Variants in PDE10A observed in about 807,000 individuals in gnomAD.
The protein encoded by PDE10A is phosphodiesterase 10A, also known as cAMP and cAMP-inhibited cGMP 3',5'-cyclic phosphodiesterase 10A.
PDE10A carries 39 observed loss-of-function variants against 97.7 expected under a neutral mutation model. The observed-to-expected ratio is 0.40, with a 90% CI of 0.31 to 0.52. PDE10A has a LOEUF of 0.52. Among genes scored for constraint, PDE10A ranks in the 20% least tolerant of loss-of-function variants. The pLI, the probability that PDE10A is intolerant of heterozygous loss-of-function variation, is 0.56. For missense variants in PDE10A, 731 were observed against 1,047.8 expected (o/e 0.70, Z 4.17); for synonymous variants, 371 against 376.8 (o/e 0.98, Z 0.18).
chr6:165,536,879 C>G (rs1783119481), intron 2 of PDE10A, among the ~76,000 whole-genome samples: 1 of 152,072 alleles, frequency 6.6e-6, no homozygotes, highest in East Asian at 1.9e-4. Context: ...TTATGGAAAA[C>G]AGTATGGAGG....
At chr6:165,535,806 CATT>C (rs1350686934) in intron 2 of PDE10A, among the ~76,000 whole-genome samples, 1 of 151,542 alleles carries the variant, frequency 6.6e-6, no homozygotes, top group African/African-American at 2.4e-5. Context: ...AACTATAAAA[CATT>C]GATGAAAAAA....
intron 1 of PDE10A, among the ~76,000 whole-genome samples, chr6:165,566,150 C>T (rs1310564137): frequency 1.3e-5 from 2 of 152,150 alleles, no homozygotes; most frequent in African/African-American, 2.4e-5. Flanking sequence ...AGACAAGCCA[C>T]AGATTGGGAG....
intron 1 of PDE10A, among the ~76,000 whole-genome samples, chr6:165,864,636 A>G (rs534615509): frequency 1.1e-4 from 17 of 152,188 alleles, no homozygotes; most frequent in Non-Finnish European, 2.4e-4. Context: ...ACCCCTCTTC[A>G]CCTTCCTCGA....
chr6:165,368,660 C>G (rs1004457318), intron 18 of PDE10A, among the ~76,000 whole-genome samples: 2 of 152,090 alleles, frequency 1.3e-5, no homozygotes, highest in Non-Finnish European at 2.9e-5. Flanking sequence ...ATAGACTAAA[C>G]AGTACATTAA....
At chr6:165,365,220 A>G (rs1783693794) in intron 18 of PDE10A, among the ~76,000 whole-genome samples, 1 of 152,208 alleles carries the variant, frequency 6.6e-6, no homozygotes, top group African/African-American at 2.4e-5. Flanking sequence ...AAATTTAGTA[A>G]TATCAATTAA....
chr6:165,658,594 G>GCA (rs1170293544), intron 1 of PDE10A, among the ~76,000 whole-genome samples: 1 of 152,194 alleles, frequency 6.6e-6, no homozygotes, highest in Non-Finnish European at 1.5e-5. Flanking sequence ...TTACATCAGG[G>GCA]CAGCCACACT....
chr6:165,848,155 C>G (rs1780472346), intron 1 of PDE10A, among the ~76,000 whole-genome samples: 1 of 152,062 alleles, frequency 6.6e-6, no homozygotes, highest in Non-Finnish European at 1.5e-5. Context: ...AAAATCAACC[C>G]ACAGAAGCAG....
chr6:165,719,723 G>A (rs62424938), intron 1 of PDE10A, among the ~76,000 whole-genome samples: 2 of 152,174 alleles, frequency 1.3e-5, no homozygotes, highest in African/African-American at 2.4e-5. Context: ...TTTGGAATAC[G>A]GTTGGAAACT....
At chr6:165,705,066 T>C (rs1021028076) in intron 1 of PDE10A, among the ~76,000 whole-genome samples, 4 of 152,208 alleles carry the variant, frequency 2.6e-5, no homozygotes, top group African/African-American at 9.6e-5. Flanking sequence ...GGGTGCTTCT[T>C]GTGGTACCAC....
chr6:165,891,182 A>G (rs1367743298), intron 1 of PDE10A, among the ~76,000 whole-genome samples: 2 of 152,194 alleles, frequency 1.3e-5, no homozygotes, highest in African/African-American at 4.8e-5. Flanking sequence ...CTTTCCAAAC[A>G]TCTGGAAAGT....
intron 1 of PDE10A, among the ~76,000 whole-genome samples, chr6:165,676,023 C>T (rs984023989): frequency 6.6e-6 from 1 of 152,140 alleles, no homozygotes; most frequent in Non-Finnish European, 1.5e-5. Context: ...AGGAAAGTGT[C>T]GTATACATGG....
rs994053487 is a variant in PDE10A, at chr6:165,374,082, G to C, written c.2783+5112C>G. 7.8e-3 allele frequency among the ~76,000 whole-genome samples: 906 copies of C among 116,124 alleles called. 12 individuals are homozygous for C. The highest frequency in any genetic ancestry group is 0.028 in the African/African-American group (829 of 30,050). 76.2% of individuals were successfully genotyped at this position (116,124 alleles called of 152,430 possible). ...ACATCACACTCTGGGGACTGTTGTGGGGTGGGGGGAGGGGGGAGGGATAGC... is the reference window on the plus strand; with the variant it reads ...ACATCACACTCTGGGGACTGTTGTGCGGTGGGGGGAGGGGGGAGGGATAGC... On this transcript the variant is annotated intron_variant, in intron 18 of 21. Transcript: ENST00000539869.
chr6:165,529,462 C>A (rs1782644928), intron 2 of PDE10A, among the ~76,000 whole-genome samples: 2 of 152,164 alleles, frequency 1.3e-5, no homozygotes, highest in African/African-American at 4.8e-5. Flanking sequence ...AGGGAAAAAA[C>A]CATGACCTGC....
chr6:165,590,332 G>A (rs889310783), intron 1 of PDE10A, among the ~76,000 whole-genome samples: 10 of 152,156 alleles, frequency 6.6e-5, no homozygotes, highest in Admixed American at 6.5e-4. Flanking sequence ...TTAAATAGCT[G>A]GCCACACAGC....
At chr6:165,546,867 A>G (rs1011153353) in intron 1 of PDE10A, among the ~76,000 whole-genome samples, 3 of 152,164 alleles carry the variant, frequency 2.0e-5, no homozygotes, top group African/African-American at 2.4e-5. Flanking sequence ...TAGATAACGT[A>G]TATCTCATAA....
intron 1 of PDE10A, among the ~76,000 whole-genome samples, chr6:165,855,335 C>CT (rs1386651580): frequency 6.6e-6 from 1 of 150,726 alleles, no homozygotes; most frequent in East Asian, 2.0e-4. Flanking sequence ...GGGGCGCTGC[C>CT]TCCTGTGGAT....
intron 1 of PDE10A, among the ~76,000 whole-genome samples, chr6:165,640,015 AGCTGTGATC>A (rs1474486780): frequency 1.3e-5 from 2 of 151,056 alleles, no homozygotes; most frequent in East Asian, 4.0e-4. Context: ...GGCTGCAGTG[AGCTGTGATC>A]GCACCACTGC....
intron 1 of PDE10A, among the ~76,000 whole-genome samples, chr6:165,612,064 T>C (rs997136400): frequency 6.6e-6 from 1 of 152,224 alleles, no homozygotes; most frequent in Non-Finnish European, 1.5e-5. Context: ...AACATCACTG[T>C]ATAGTGAACA....
intron 6 of PDE10A, 64 bp downstream of exon 6, chr6:165,435,173 T>A: frequency 1.5e-6 from 2 of 1,316,738 alleles, no homozygotes; most frequent in South Asian, 2.6e-5. Flanking sequence ...CAAAATGATA[T>A]GCCATCTTTC....
Sources: gnomAD v4.1 joint callset for allele counts (sites outside exome capture counted in the v4.1 genomes callset) on GRCh38, gnomAD v4.1.1 for gene constraint, MANE v1.5 for transcripts, NCBI Gene and HGNC (gene_info 2026-07-23, HGNC 2026-07-21) for gene names.